GALC: variants seen among roughly 807,000 people sequenced by gnomAD.
GALC encodes the protein galactosylceramidase.
A neutral mutation model predicts 91.8 loss-of-function variants in GALC; 77 were observed. The ratio of observed to expected loss-of-function variants is 0.84; its 90% CI spans 0.70 to 1.01. The LOEUF (loss-of-function observed/expected upper bound fraction) is 1.01, where lower values mean the gene tolerates loss of function less well. Among genes scored for constraint, GALC ranks in the 50% least tolerant of loss-of-function variants. The pLI, the probability that GALC is intolerant of heterozygous loss-of-function variation, is 0.00. For missense variants in GALC, 882 were observed against 855.9 expected, an observed-to-expected ratio of 1.03 and a Z score of -0.38; for synonymous variants, 357 against 306.7, an observed-to-expected ratio of 1.16 and a Z score of -1.71.
chr14:87,956,593 T>TACAC (rs56760246), intron 10 of GALC, among the ~76,000 whole-genome samples: 22 of 139,284 alleles, frequency 1.6e-4, no homozygotes, highest in African/African-American at 3.0e-4. Flanking sequence ...ACCATATATA[T>TACAC]ACACACACAC....
chr14:87,986,490 A>G lies in GALC; in HGVS notation c.441T>C (p.Ile147=), dbSNP rs375877929. The G allele has an allele frequency of 3.2e-6, 5 of 1,552,880 alleles. No individual in the cohort carries two copies. The highest frequency in any genetic ancestry group is 4.4e-6 in the Non-Finnish European group (5 of 1,124,454). The change falls in exon 4 of 17, where the codon ATT becomes ATC. Residue 147 remains isoleucine, a splice_region_variant and synonymous_variant. Coordinates refer to ENST00000261304, the MANE Select transcript of GALC (RefSeq NM_000153.4). ...AKKRNPNITL[I]GLPWSFPGWL... ...AACATTGCAAACTTCATTTCTTACC[A>G]ATGAGTGTAATATTGGGATTCCTCT...
chr14:87,977,926 A>T (rs1886572184), intron 6 of GALC, among the ~76,000 whole-genome samples: 1 of 152,148 alleles, frequency 6.6e-6, no homozygotes, highest in Non-Finnish European at 1.5e-5. Flanking sequence ...GAGTTCTAGG[A>T]CACCCTAGAA....
intron 10 of GALC, chr14:87,954,855 C>T (rs1311053715): frequency 1.1e-5 from 17 of 1,605,906 alleles, no homozygotes; most frequent in African/African-American, 1.3e-5. Context: ...GTTTTAGCTG[C>T]TTGCCATTTA....
chr14:87,941,692 T>G, intron 14 of GALC, 134 bp from the exon 15 acceptor site: 1 of 704,198 alleles, frequency 1.4e-6, no homozygotes, highest in East Asian at 2.6e-5. Context: ...TCTAAGCCTG[T>G]AGCAGAGATG....
intron 10 of GALC, among the ~76,000 whole-genome samples, chr14:87,959,118 T>TA (rs1885689793): frequency 6.6e-6 from 1 of 152,008 alleles, no homozygotes; most frequent in Non-Finnish European, 1.5e-5. Flanking sequence ...GTAAAGAACT[T>TA]AAACAACGAC....
intron 15 of GALC, among the ~76,000 whole-genome samples, chr14:87,940,404 A>C (rs1884785565): frequency 6.6e-6 from 1 of 151,954 alleles, no homozygotes; most frequent in East Asian, 1.9e-4. Context: ...AGAAAATAGT[A>C]AGTTAATTTT....
intron 10 of GALC, among the ~76,000 whole-genome samples, chr14:87,962,578 TACACACACACACACACAC>T (rs36205603): frequency 0.11 from 16,326 of 146,402 alleles, 1,303 homozygotes; most frequent in African/African-American, 0.22. Context: ...CCTGATATGA[TACACACACACACACACAC>T]ACACACACAC....
Position 87,936,921 on chromosome 14 carries a change from T to TATATATATATATATA in GALC, c.1912-2044_1912-2043insTATATATATATATAT, listed in dbSNP as rs1176265523. 5.2e-4 allele frequency among the ~76,000 whole-genome samples: 74 copies of TATATATATATATATA among 141,106 alleles called. 11 individuals carry two copies. Among genetic ancestry groups the TATATATATATATATA allele is most frequent in the East Asian group, 1.3e-3 (6 of 4,658 alleles). 92.6% of individuals were successfully genotyped at this position (141,106 alleles called of 152,430 possible). On this transcript the variant is annotated intron_variant, in intron 16 of 16. Transcript: ENST00000261304. Reference sequence around the variant, plus strand: ...CTATATATATATATATATTTATTTATTTTCTCATTGAATCTTCATAAGAAA... The same window carrying TATATATATATATATA: ...CTATATATATATATATATTTATTTATATATATATATATATATTTCTCATTGAATCTTCATAAGAAA...
intron 6 of GALC, among the ~76,000 whole-genome samples, chr14:87,978,635 C>G (rs1309324941): frequency 6.6e-6 from 1 of 152,074 alleles, no homozygotes. Flanking sequence ...CCAGAAAAAG[C>G]TTAAATAGAA....
At chr14:87,978,047 C>T (rs60898379) in intron 6 of GALC, among the ~76,000 whole-genome samples, 6,200 of 152,146 alleles carry the variant, frequency 0.041, 426 homozygotes, top group African/African-American at 0.14. Context: ...AATTTCATCA[C>T]CCTGAAGTTC....
intron 4 of GALC, 43 bp from the exon 5 acceptor site, chr14:87,984,576 G>A (rs556849421): frequency 1.1e-5 from 18 of 1,611,022 alleles, no homozygotes; most frequent in African/African-American, 5.3e-5. Context: ...GAGGTATAAC[G>A]GTGCTGGCGC....
intron 6 of GALC, among the ~76,000 whole-genome samples, chr14:87,977,822 A>G (rs1285836594): frequency 6.6e-6 from 1 of 152,234 alleles, no homozygotes; most frequent in East Asian, 1.9e-4. Context: ...TTTTCAACAG[A>G]CAGTTTCTTA....
intron 10 of GALC, among the ~76,000 whole-genome samples, chr14:87,961,541 A>T (rs886269105): frequency 6.6e-6 from 1 of 152,208 alleles, no homozygotes; most frequent in African/African-American, 2.4e-5. Flanking sequence ...CATAACAGCC[A>T]TGATGGGGTT....
chr14:87,972,928 T>C (rs1566997410), intron 7 of GALC, among the ~76,000 whole-genome samples: 3 of 152,018 alleles, frequency 2.0e-5, no homozygotes, highest in Non-Finnish European at 4.4e-5. Flanking sequence ...AATATAGACA[T>C]TAAGAGAGCA....
intron 3 of GALC, chr14:87,987,177 G>A (rs938761495): frequency 3.0e-5 from 11 of 368,890 alleles, no homozygotes; most frequent in Non-Finnish European, 4.7e-5. Context: ...TTAGCACTGA[G>A]GTAGGTAATT....
intron 6 of GALC, among the ~76,000 whole-genome samples, chr14:87,981,951 T>C (rs1383230010): frequency 6.6e-6 from 1 of 152,122 alleles, no homozygotes; most frequent in African/African-American, 2.4e-5. Flanking sequence ...AATTTTAAAA[T>C]AGAAAAATTC....
intron 10 of GALC, among the ~76,000 whole-genome samples, chr14:87,951,601 T>C (rs1349541107): frequency 6.6e-6 from 1 of 151,916 alleles, no homozygotes; most frequent in Non-Finnish European, 1.5e-5. Context: ...ATAAAGCAAG[T>C]CCTCATAAAT....
intron 10 of GALC, among the ~76,000 whole-genome samples, chr14:87,962,814 ACTT>A (rs1182373553): frequency 9.9e-5 from 15 of 151,864 alleles, no homozygotes; most frequent in Admixed American, 1.3e-4. Context: ...CACCTCTCAG[ACTT>A]CTTCTTCTCT....
At chr14:87,977,037 G>C (rs1376113486) in intron 6 of GALC, among the ~76,000 whole-genome samples, 1 of 146,434 alleles carries the variant, frequency 6.8e-6, no homozygotes, top group Non-Finnish European at 1.5e-5. Flanking sequence ...AAATATGGGG[G>C]GGGGGGGATG....
Sources: gnomAD v4.1 joint callset for allele counts (sites outside exome capture counted in the v4.1 genomes callset) on GRCh38, gnomAD v4.1.1 for gene constraint, MANE v1.5 for transcripts, NCBI Gene and HGNC (gene_info 2026-07-23, HGNC 2026-07-21) for gene names.